PLEKHG1: variants seen among roughly 807,000 people sequenced by gnomAD.
PLEKHG1 encodes pleckstrin homology and RhoGEF domain containing G1, also known as pleckstrin homology domain-containing family G member 1.
PLEKHG1 carries 44 observed loss-of-function variants against 100.8 expected under a neutral mutation model. The ratio of observed to expected loss-of-function variants is 0.44; its 90% CI spans 0.34 to 0.56. The LOEUF (loss-of-function observed/expected upper bound fraction) is 0.56, where lower values mean the gene tolerates loss of function less well. PLEKHG1 is among the 20% of genes least tolerant of loss of function. The pLI, the probability that PLEKHG1 is intolerant of heterozygous loss-of-function variation, is 0.01. For synonymous variants in PLEKHG1, 640 were observed against 662.5 expected, an observed-to-expected ratio of 0.97 and a Z score of 0.52; for missense variants, 1,545 against 1,720.9, an observed-to-expected ratio of 0.90 and a Z score of 1.81.
At chr6:150,695,945 A>G (rs1780527758) in intron 3 of PLEKHG1, among the ~76,000 whole-genome samples, 1 of 152,236 alleles carries the variant, frequency 6.6e-6, no homozygotes, top group African/African-American at 2.4e-5. Flanking sequence ...GCAGGAAAAT[A>G]TAAAAATAAT....
At chr6:150,716,170 C>T (rs1259399878), upstream of PLEKHG1, among the ~76,000 whole-genome samples, 1 of 151,656 alleles carries the variant, frequency 6.6e-6, no homozygotes, top group African/African-American at 2.4e-5. Flanking sequence ...GAAAAAACTT[C>T]TAATAGACTA....
In PLEKHG1 at chr6:150,616,787, C is replaced by T. The variant is rs73780052; in HGVS notation, c.-204+16770C>T. On this transcript the variant is annotated intron_variant, in intron 1 of 3. Coordinates refer to the PLEKHG1 transcript ENST00000367326. ...AGTAATATGCACTACTTGCCTGCTT[C>T]AGCTTACTGTCTTGTAAGAACACGT... 5.5e-3 allele frequency among the ~76,000 whole-genome samples: 837 copies of T among 152,324 alleles called. 9 individuals carry two copies. The highest frequency in any genetic ancestry group is 0.019 in the African/African-American group (800 of 41,572).
At chr6:150,718,418 G>A (rs554138753), upstream of PLEKHG1, among the ~76,000 whole-genome samples, 1 of 151,890 alleles carries the variant, frequency 6.6e-6, no homozygotes, top group Admixed American at 6.6e-5. Context: ...GCTCTCAGGT[G>A]TGAAAGAACC....
Position 150,665,726 on chromosome 6 carries a change from A to T in PLEKHG1, c.-99+14940A>T, listed in dbSNP as rs78039977. On this transcript the variant is annotated intron_variant, in intron 3 of 3. Transcript: ENST00000367326. ...TTTTCAGTTTCTTTACTGCATCAGCACAGGTTCTTGGGGAAATGCTCTGGT... is the reference window on the plus strand; with the variant it reads ...TTTTCAGTTTCTTTACTGCATCAGCTCAGGTTCTTGGGGAAATGCTCTGGT... Among the ~76,000 whole-genome samples, 613 of 151,976 alleles carry T rather than the reference A, an allele frequency of 4.0e-3. 8 individuals are homozygous for T. In the East Asian group the frequency reaches 0.041, roughly 10 times the overall value.
At chr6:150,840,930 T>A in exon 16 of PLEKHG1, 1 of 1,493,210 alleles carries the variant, frequency 6.7e-7, no homozygotes, top group Non-Finnish European at 9.3e-7. Context: ...ATCAACTTCT[T>A]ATTTTGCTCA....
intron 3 of PLEKHG1, among the ~76,000 whole-genome samples, chr6:150,784,173 C>T (rs1562516073): frequency 6.6e-6 from 1 of 152,200 alleles, no homozygotes; most frequent in South Asian, 2.1e-4. Context: ...AACTGCTATC[C>T]AGATCATTTC....
At chr6:150,679,334 G>A (rs1467504606) in intron 3 of PLEKHG1, among the ~76,000 whole-genome samples, 1 of 152,042 alleles carries the variant, frequency 6.6e-6, no homozygotes, top group Non-Finnish European at 1.5e-5. Context: ...GAACTTCATG[G>A]CTATGTTCAG....
chr6:150,666,187 C>A (rs1779389867), intron 3 of PLEKHG1, among the ~76,000 whole-genome samples: 3 of 152,156 alleles, frequency 2.0e-5, no homozygotes, highest in Admixed American at 1.3e-4. Context: ...GCTTCCTGGA[C>A]AAAATGTATT....
exon 6 of PLEKHG1, chr6:150,800,755 G>C (rs1449190555): frequency 6.2e-7 from 1 of 1,614,024 alleles, no homozygotes; most frequent in South Asian, 1.1e-5. Flanking sequence ...TGAGGAACAA[G>C]ATACTGGCCA....
chr6:150,800,051 G>GGAA (rs1786595700), intron 5 of PLEKHG1, among the ~76,000 whole-genome samples: 1 of 152,204 alleles, frequency 6.6e-6, no homozygotes, highest in Non-Finnish European at 1.5e-5. Flanking sequence ...CTCATCTGAG[G>GGAA]CGCACTCCGT....
At chr6:150,684,855 G>A (rs548765866) in intron 3 of PLEKHG1, among the ~76,000 whole-genome samples, 34 of 152,186 alleles carry the variant, frequency 2.2e-4, no homozygotes, top group Admixed American at 1.2e-3. Context: ...TTGCATCTCC[G>A]GGAAAGGCGT....
chr6:150,607,943 AT>A (rs954858209), intron 1 of PLEKHG1, among the ~76,000 whole-genome samples: 14 of 151,092 alleles, frequency 9.3e-5, no homozygotes, highest in African/African-American at 1.7e-4. Context: ...GCTTTTCTCC[AT>A]TTTTTTTTGT....
chr6:150,694,706 AAAAAAT>A (rs1487591573), intron 3 of PLEKHG1, among the ~76,000 whole-genome samples: 1 of 151,814 alleles, frequency 6.6e-6, no homozygotes, highest in African/African-American at 2.4e-5. Context: ...TCAAAAAAAA[AAAAAAT>A]AAAAATAAAA....
At chr6:150,769,078 A>G (rs569292429) in intron 3 of PLEKHG1, among the ~76,000 whole-genome samples, 1 of 152,304 alleles carries the variant, frequency 6.6e-6, no homozygotes, top group African/African-American at 2.4e-5. Context: ...TGAATTTTCT[A>G]TAACTTTTCT....
chr6:150,681,454 G>A (rs1165683601), intron 3 of PLEKHG1, among the ~76,000 whole-genome samples: 1 of 151,332 alleles, frequency 6.6e-6, no homozygotes, highest in Non-Finnish European at 1.5e-5. Context: ...AGAGGTGGCA[G>A]TGTGCCAAGA....
At chr6:150,698,339 A>G (rs1780628477) in intron 3 of PLEKHG1, among the ~76,000 whole-genome samples, 2 of 152,102 alleles carry the variant, frequency 1.3e-5, no homozygotes, top group South Asian at 4.1e-4. Flanking sequence ...TGGATTTTGG[A>G]CTTTTGGATT....
At chr6:150,637,420 C>T (rs1778051411) in intron 1 of PLEKHG1, among the ~76,000 whole-genome samples, 1 of 150,886 alleles carries the variant, frequency 6.6e-6, no homozygotes, top group African/African-American at 2.4e-5. Context: ...AATTTCATGT[C>T]ATCCTCTTCC....
chr6:150,811,596 A>G (rs1787534775), intron 10 of PLEKHG1, among the ~76,000 whole-genome samples: 1 of 151,600 alleles, frequency 6.6e-6, no homozygotes, highest in African/African-American at 2.4e-5. Context: ...ATTAAGTGGG[A>G]AAAAAGGAAT....
At chr6:150,787,392 C>A (rs562039886) in intron 4 of PLEKHG1, among the ~76,000 whole-genome samples, 1 of 152,180 alleles carries the variant, frequency 6.6e-6, no homozygotes, top group Non-Finnish European at 1.5e-5. Flanking sequence ...TACAATGTGG[C>A]CTTTCCTACA....
Sources: gnomAD v4.1 joint callset for allele counts (sites outside exome capture counted in the v4.1 genomes callset) on GRCh38, gnomAD v4.1.1 for gene constraint, MANE v1.5 for transcripts, NCBI Gene and HGNC (gene_info 2026-07-23, HGNC 2026-07-21) for gene names.